The following ANKFN1 variants were observed in gnomAD, a reference collection of about 807,000 sequenced individuals.
ANKFN1 encodes the protein ankyrin repeat and fibronectin type-III domain-containing protein 1.
A neutral mutation model predicts 108.7 loss-of-function variants in ANKFN1; 74 were observed. The ratio of observed to expected loss-of-function variants is 0.68; its 90% CI spans 0.56 to 0.83. ANKFN1 has a LOEUF of 0.83. Among genes scored for constraint, ANKFN1 ranks in the 40% least tolerant of loss-of-function variants. The pLI, the probability that ANKFN1 is intolerant of heterozygous loss-of-function variation, is 0.00. For synonymous variants in ANKFN1, 547 were observed against 516.2 expected (o/e 1.06, Z -0.81); for missense variants, 1,505 against 1,382.3 (o/e 1.09, Z -1.41).
Position 56,511,293 on chromosome 17 carries a change from C to G in ANKFN1, c.*24C>G, listed in dbSNP as rs138655596. The G allele has an allele frequency of 6.7e-7, 1 of 1,486,830 alleles. No homozygotes were observed. The highest frequency in any genetic ancestry group is 8.9e-7 in the Non-Finnish European group (1 of 1,119,102). The allele number at this position is 1,486,830 out of a possible 1,614,324, so 92.1% of individuals were successfully genotyped here. On this transcript the variant is annotated 3_prime_UTR_variant, in exon 21 of 21. Coordinates refer to ENST00000682825, the MANE Select transcript of ANKFN1 (RefSeq NM_001370326.1). ...AGGGAGGCCCATCCCGGCTGTCCACCCCTCCATGGCTGCTACCTGCGTTTT... is the reference window on the plus strand; with the variant it reads ...AGGGAGGCCCATCCCGGCTGTCCACGCCTCCATGGCTGCTACCTGCGTTTT...
chr17:56,287,032 C>T (rs896200154), intron 3 of ANKFN1, among the ~76,000 whole-genome samples: 5 of 152,138 alleles, frequency 3.3e-5, no homozygotes, highest in Non-Finnish European at 7.4e-5. Context: ...ATCAGAAATA[C>T]TTTAATCCCT....
At chr17:56,242,557 AT>A (rs1293490106) in intron 3 of ANKFN1, among the ~76,000 whole-genome samples, 1 of 152,028 alleles carries the variant, frequency 6.6e-6, no homozygotes, top group African/African-American at 2.4e-5. Context: ...AATCTCTCTA[AT>A]TTTTAATGTA....
chr17:56,509,759 CTTCTAG>C (rs1359600174), intron 20 of ANKFN1, among the ~76,000 whole-genome samples: 4 of 152,208 alleles, frequency 2.6e-5, no homozygotes, highest in African/African-American at 9.6e-5. Flanking sequence ...AAAAGCATTC[CTTCTAG>C]TTCTAGTCCC....
At chr17:56,365,237 T>C (rs900749846) in intron 6 of ANKFN1, among the ~76,000 whole-genome samples, 1 of 152,200 alleles carries the variant, frequency 6.6e-6, no homozygotes, top group African/African-American at 2.4e-5. Context: ...TTGAAATTGA[T>C]ATCACTTGCT....
intron 3 of ANKFN1, among the ~76,000 whole-genome samples, chr17:56,239,640 C>T: frequency 6.6e-6 from 1 of 152,122 alleles, no homozygotes; most frequent in East Asian, 1.9e-4. Context: ...ATTTACTCTC[C>T]AGATTGCATA....
intron 8 of ANKFN1, among the ~76,000 whole-genome samples, chr17:56,440,112 ATTC>A (rs1398163009): frequency 6.6e-6 from 1 of 152,156 alleles, no homozygotes; most frequent in Non-Finnish European, 1.5e-5. Flanking sequence ...AGTTTTTATT[ATTC>A]TTTTCTGCTC....
At chr17:56,092,553 C>T (rs1358047130) in intron 4 of ANKFN1, among the ~76,000 whole-genome samples, 2 of 151,102 alleles carry the variant, frequency 1.3e-5, no homozygotes, top group African/African-American at 2.4e-5. Context: ...GGATTACAGG[C>T]GTGAGCCACC....
intron 4 of ANKFN1, among the ~76,000 whole-genome samples, chr17:56,126,228 A>G (rs1906919386): frequency 6.6e-6 from 1 of 152,192 alleles, no homozygotes; most frequent in Admixed American, 6.5e-5. Context: ...AGTCTGGAAA[A>G]TAAATAATTG....
intron 1 of ANKFN1, among the ~76,000 whole-genome samples, chr17:56,207,353 C>T (rs1345521914): frequency 6.6e-6 from 1 of 152,128 alleles, no homozygotes; most frequent in Non-Finnish European, 1.5e-5. Context: ...GTTTGAGAAC[C>T]ACTGCTGTAG....
chr17:56,256,604 GATTA>G (rs1369364131), intron 3 of ANKFN1, among the ~76,000 whole-genome samples: 2 of 152,148 alleles, frequency 1.3e-5, no homozygotes, highest in Non-Finnish European at 2.9e-5. Context: ...CACATGCAAT[GATTA>G]ATTAAAATAA....
intron 1 of ANKFN1, among the ~76,000 whole-genome samples, chr17:56,171,523 C>T (rs1204015668): frequency 6.6e-6 from 1 of 152,198 alleles, no homozygotes; most frequent in Non-Finnish European, 1.5e-5. Context: ...CAAACTACCT[C>T]TCCATTTGTG....
At chr17:56,252,043 A>G (rs1427589980) in intron 3 of ANKFN1, among the ~76,000 whole-genome samples, 1 of 152,236 alleles carries the variant, frequency 6.6e-6, no homozygotes, top group Admixed American at 6.5e-5. Context: ...TTATTTGTGA[A>G]TTACAGACTC....
chr17:56,052,165 A>C (rs139474279), intron 4 of ANKFN1, among the ~76,000 whole-genome samples: 4,948 of 152,258 alleles, frequency 0.032, 259 homozygotes, highest in African/African-American at 0.11. Context: ...CCTGACTTCA[A>C]ACTATACTAC....
chr17:56,390,594 T>C (rs1012700926), intron 8 of ANKFN1, among the ~76,000 whole-genome samples: 1 of 152,240 alleles, frequency 6.6e-6, no homozygotes, highest in Non-Finnish European at 1.5e-5. Flanking sequence ...ATAGTATTTA[T>C]GGTTCTAGAT....
chr17:56,192,629 C>G (rs1367070228), intron 1 of ANKFN1, among the ~76,000 whole-genome samples: 1 of 29,926 alleles, frequency 3.3e-5, no homozygotes. Context: ...GACATTTATG[C>G]AGCCAAAAAA....
chr17:56,124,525 C>T (rs1334345923), intron 4 of ANKFN1, among the ~76,000 whole-genome samples: 3 of 152,194 alleles, frequency 2.0e-5, no homozygotes, highest in Non-Finnish European at 2.9e-5. Context: ...TTTCTTGGGT[C>T]CCTGGATTTA....
At chr17:56,107,394 A>G (rs921936412) in intron 4 of ANKFN1, among the ~76,000 whole-genome samples, 1 of 152,116 alleles carries the variant, frequency 6.6e-6, no homozygotes, top group African/African-American at 2.4e-5. Context: ...TTTAATCTGG[A>G]TAGTTTTTGG....
At chr17:56,204,543 G>T (rs892583739) in intron 1 of ANKFN1, among the ~76,000 whole-genome samples, 3 of 151,740 alleles carry the variant, frequency 2.0e-5, no homozygotes, top group Non-Finnish European at 4.4e-5. Flanking sequence ...GTTTCGCCAT[G>T]TTGGCCAGGT....
At chr17:56,117,091 AT>A (rs1407044050) in intron 4 of ANKFN1, among the ~76,000 whole-genome samples, 4 of 151,890 alleles carry the variant, frequency 2.6e-5, no homozygotes, top group Admixed American at 2.6e-4. Flanking sequence ...TATTTTCCTT[AT>A]TTTTTTCTTC....
Sources: allele counts gnomAD v4.1 joint callset (sites outside exome capture counted in the v4.1 genomes callset), GRCh38; gene constraint gnomAD v4.1.1; transcripts MANE v1.5; gene names NCBI Gene and HGNC (gene_info 2026-07-23, HGNC 2026-07-21).